Variants in AJAP1 observed in about 807,000 individuals in gnomAD.
AJAP1 encodes the protein adherens junctions associated protein 1, also known as adherens junction-associated protein 1.
A neutral mutation model predicts 35.0 loss-of-function variants in AJAP1; 5 were observed. That is an observed-to-expected ratio of 0.14 (90% CI 0.07 to 0.30). The LOEUF (loss-of-function observed/expected upper bound fraction) is 0.30, where lower values mean the gene tolerates loss of function less well. Among genes scored for constraint, AJAP1 ranks in the 10% least tolerant of loss-of-function variants. AJAP1 has a pLI of 1.00. For synonymous variants in AJAP1, 284 were observed against 249.3 expected (o/e 1.14, Z -1.31); for missense variants, 586 against 571.0 (o/e 1.03, Z -0.27).
At position 4,789,623 on chromosome 1, in the gene AJAP1, G is replaced by C. The variant is rs986992710; in HGVS notation, c.*7138G>C. The C allele has an allele frequency of 6.6e-6, 1 of 152,140 alleles. No homozygotes were observed. Among genetic ancestry groups the C allele is most frequent in the East Asian group, 1.9e-4 (1 of 5,178 alleles). 9.4% of individuals were successfully genotyped at this position (152,140 alleles called of 1,614,324 possible). On this transcript the variant is annotated 3_prime_UTR_variant, in exon 6 of 6. Coordinates refer to ENST00000378191, the MANE Select transcript of AJAP1 (RefSeq NM_018836.4). This position sits in a 1 kb window ranked among gnomAD's most constrained non-coding sequence, Gnocchi z 4.4. The stretch of plus-strand genomic sequence containing the variant: ...TGGTTAGCTTTTGTCAGATTTCGTC[G>C]TTTCCGCAGCAAAATTTCTTAGTGT...
At chr1:4,673,813 C>A (rs570844684) in intron 1 of AJAP1, among the ~76,000 whole-genome samples, 2 of 152,164 alleles carry the variant, frequency 1.3e-5, no homozygotes, top group African/African-American at 4.8e-5. Context: ...TTCTTGTCCT[C>A]TGATCAAGGC....
chr1:4,681,474 T>C (rs1639482572), intron 1 of AJAP1, among the ~76,000 whole-genome samples: 1 of 152,158 alleles, frequency 6.6e-6, no homozygotes, highest in Admixed American at 6.5e-5. Context: ...AAAGGGCCCA[T>C]AGGCAGTAAT....
At chr1:4,726,676 C>T (rs1206754533) in intron 2 of AJAP1, among the ~76,000 whole-genome samples, 1 of 152,152 alleles carries the variant, frequency 6.6e-6, no homozygotes, top group East Asian at 1.9e-4. Context: ...TCTCCACTCT[C>T]CAGAAATCCT....
chr1:4,718,436 G>A (rs1640444125), intron 2 of AJAP1, among the ~76,000 whole-genome samples: 1 of 151,742 alleles, frequency 6.6e-6, no homozygotes, highest in Non-Finnish European at 1.5e-5. Context: ...GGATGTGAAA[G>A]GTCTTTAATC....
At chr1:4,687,505 G>A (rs1178867434) in intron 1 of AJAP1, among the ~76,000 whole-genome samples, 1 of 152,202 alleles carries the variant, frequency 6.6e-6, no homozygotes, top group Non-Finnish European at 1.5e-5. Flanking sequence ...GCGGTCCATG[G>A]GGAGGGCAAA....
intron 1 of AJAP1, among the ~76,000 whole-genome samples, chr1:4,691,153 A>G (rs1267186804): frequency 1.3e-5 from 2 of 152,228 alleles, no homozygotes. Flanking sequence ...AGCTGGGACC[A>G]GAAGCCAGGA....
chr1:4,719,045 G>A (rs1570152569), intron 2 of AJAP1, among the ~76,000 whole-genome samples: 1 of 152,142 alleles, frequency 6.6e-6, no homozygotes, highest in Non-Finnish European at 1.5e-5. Context: ...CAAAACCCTG[G>A]ACTGATAACA....
chr1:4,754,778 G>A (rs913523548), intron 2 of AJAP1, among the ~76,000 whole-genome samples: 10 of 152,216 alleles, frequency 6.6e-5, no homozygotes, highest in Admixed American at 3.9e-4. Flanking sequence ...AGGAGTGGCC[G>A]TTTTCCTATG....
chr1:4,767,414 A>G (rs1305112759), intron 2 of AJAP1, among the ~76,000 whole-genome samples: 2 of 149,646 alleles, frequency 1.3e-5, no homozygotes, highest in Non-Finnish European at 3.0e-5. Flanking sequence ...ACCACCACCA[A>G]CATCATCGTT....
At chr1:4,657,572 G>A (rs549273510) in intron 1 of AJAP1, among the ~76,000 whole-genome samples, 1 of 152,298 alleles carries the variant, frequency 6.6e-6, no homozygotes, top group African/African-American at 2.4e-5. Context: ...GCCACTCCGC[G>A]GCTCCCTAGG....
chr1:4,659,845 A>T (rs1022294727), intron 1 of AJAP1, among the ~76,000 whole-genome samples: 7 of 152,216 alleles, frequency 4.6e-5, no homozygotes, highest in African/African-American at 1.7e-4. Flanking sequence ...TCAATGTGCC[A>T]TGTCAGTTTA....
At chr1:4,769,192 G>T (rs1220892744) in intron 2 of AJAP1, among the ~76,000 whole-genome samples, 1 of 152,198 alleles carries the variant, frequency 6.6e-6, no homozygotes, top group Non-Finnish European at 1.5e-5. Flanking sequence ...TGGGACTGTG[G>T]GAAGCATCCG....
At position 4,775,929 on chromosome 1, in the gene AJAP1, C is replaced by T. The variant is rs573645712; in HGVS notation, c.*59+1371C>T. On this transcript the variant is annotated intron_variant, in intron 5 of 5. Coordinates refer to ENST00000378191, the MANE Select transcript of AJAP1 (RefSeq NM_018836.4). ...TGCCAACCAAGCTAGCCGCAGGGAG[C>T]TGGCTTGCTAGCAGTGTAGTCCGCG... Among the ~76,000 whole-genome samples the T allele has an allele frequency of 6.6e-5, 10 of 152,372 alleles. No individual in the cohort carries two copies. In the East Asian group the frequency reaches 1.9e-3, roughly 29 times the overall value.
chr1:4,783,215 A>C lies in AJAP1; in HGVS notation c.*730A>C. The C allele has an allele frequency of 7.7e-6, 1 of 129,286 alleles. No individual in the cohort carries two copies. Among genetic ancestry groups the C allele is most frequent in the East Asian group, 1.7e-4 (1 of 6,024 alleles). 8.0% of individuals were successfully genotyped at this position (129,286 alleles called of 1,614,324 possible). A position where few individuals can be genotyped will look rare whatever the true frequency, so the allele number is the denominator to read the frequency against. On this transcript the variant is annotated 3_prime_UTR_variant, in exon 6 of 6. Coordinates refer to ENST00000378191, the MANE Select transcript of AJAP1 (RefSeq NM_018836.4). Reference sequence around the variant, plus strand: ...CTCACGTCACACACATATTACACACATGTGCGCATTACACACACACAATAC... The same window carrying C: ...CTCACGTCACACACATATTACACACCTGTGCGCATTACACACACACAATAC...
Position 4,772,409 on chromosome 1 carries a change from C to G in AJAP1, c.1047C>G (p.Ala349=). The G allele has an allele frequency of 9.3e-6, 15 of 1,614,246 alleles. No individual in the cohort carries two copies. Among genetic ancestry groups the G allele is most frequent in the Non-Finnish European group, 1.2e-5 (14 of 1,180,054 alleles). ...RVPSSLDIFT[A]YNETLQCSHE... is the part of the protein sequence containing the mutation. ...CCAGCAGCCTGGACATATTCACGGC[C>G]TATAACGAGACCCTGCAGTGTTCTC... is the stretch of plus-strand genomic sequence containing the variant. Residue 349 remains alanine, a synonymous_variant, in exon 4 of 6, where the codon GCC becomes GCG. Coordinates refer to ENST00000378191, the MANE Select transcript of AJAP1 (RefSeq NM_018836.4).
intron 5 of AJAP1, among the ~76,000 whole-genome samples, chr1:4,775,476 CT>C (rs1641923594): frequency 6.6e-6 from 1 of 152,106 alleles, no homozygotes; most frequent in Admixed American, 6.5e-5. Flanking sequence ...TTTTTTCTTA[CT>C]TTTTGCCCAC....
Position 4,783,507 on chromosome 1 carries a change from A to ATATG in AJAP1, c.*1024_*1027dup, listed in dbSNP as rs1642108937. 7.8e-6 allele frequency: 1 copy of ATATG among 128,116 alleles called. No homozygotes were observed. Among genetic ancestry groups the ATATG allele is most frequent in the Non-Finnish European group, 1.6e-5 (1 of 62,454 alleles). 7.9% of individuals were successfully genotyped at this position (128,116 alleles called of 1,614,324 possible). A position where few individuals can be genotyped will look rare whatever the true frequency, so the allele number is the denominator to read the frequency against. On this transcript the variant is annotated 3_prime_UTR_variant, in exon 6 of 6. Transcript: ENST00000378191. ...TATATATATATATATATATATATAT[A>ATATG]TATGTTTGTGTGTGTATATATATAT...
At chr1:4,688,191 A>G (rs1008771204) in intron 1 of AJAP1, among the ~76,000 whole-genome samples, 5 of 152,086 alleles carry the variant, frequency 3.3e-5, no homozygotes, top group African/African-American at 1.2e-4. Flanking sequence ...TAGTCTTGGG[A>G]GGGAAGTGAC....
rs1642241890 is a variant in AJAP1 at position 4,791,070 on chromosome 1, G to T, written c.*8585G>T. The stretch of plus-strand genomic sequence containing the variant: ...GAGGGGGTCACCCTCCAGCTAAAAT[G>T]ATTTAAATGGAAAGGAGAATGACAG... On this transcript the variant is annotated 3_prime_UTR_variant, in exon 6 of 6. Coordinates refer to ENST00000378191, the MANE Select transcript of AJAP1 (RefSeq NM_018836.4). 1 of 152,152 alleles carries T rather than the reference G, an allele frequency of 6.6e-6. No homozygotes were observed. Among genetic ancestry groups the T allele is most frequent in the South Asian group, 2.1e-4 (1 of 4,818 alleles). The allele number at this position is 152,152 out of a possible 1,614,324, so 9.4% of individuals were successfully genotyped here.
Sources: allele counts gnomAD v4.1 joint callset (sites outside exome capture counted in the v4.1 genomes callset), GRCh38; gene constraint gnomAD v4.1.1; non-coding constraint Gnocchi (gnomAD v3.1); transcripts MANE v1.5; gene names NCBI Gene and HGNC (gene_info 2026-07-23, HGNC 2026-07-21).